Variants in RASGRF2 observed in about 807,000 individuals in gnomAD.
The protein encoded by RASGRF2 is Ras protein specific guanine nucleotide releasing factor 2.
A neutral mutation model predicts 151.0 loss-of-function variants in RASGRF2; 76 were observed. The ratio of observed to expected loss-of-function variants is 0.50; its 90% confidence interval spans 0.42 to 0.61. The LOEUF (loss-of-function observed/expected upper bound fraction) is 0.61. RASGRF2 is among the 20% of genes least tolerant of loss of function. The pLI is 0.00. For synonymous variants in RASGRF2, 504 were observed against 566.5 expected (o/e 0.89, Z 1.57); for missense variants, 1,148 against 1,564.6 (o/e 0.73, Z 4.49).
At chr5:81,165,585 T>G (rs966404742) in intron 17 of RASGRF2, among the ~76,000 whole-genome samples, 1 of 152,206 alleles carries the variant, frequency 6.6e-6, no homozygotes, top group African/African-American at 2.4e-5. Context: ...AAAGAATTCT[T>G]TGGGAATATT....
intron 1 of RASGRF2, among the ~76,000 whole-genome samples, chr5:80,985,227 A>T (rs1423524161): frequency 6.6e-6 from 1 of 152,164 alleles, no homozygotes; most frequent in Non-Finnish European, 1.5e-5. Context: ...CAATAACAAC[A>T]ACAAAAACAA....
At chr5:81,217,591 T>C (rs1755770570) in intron 25 of RASGRF2, 118 bp downstream of exon 25, 3 of 930,084 alleles carry the variant, frequency 3.2e-6, no homozygotes. Flanking sequence ...TTTTTTTTTT[T>C]TTTTTTGAGA....
chr5:80,972,964 A>T (rs1336043203), intron 1 of RASGRF2, among the ~76,000 whole-genome samples: 1 of 152,200 alleles, frequency 6.6e-6, no homozygotes, highest in East Asian at 1.9e-4. Flanking sequence ...TTTGTCAGTT[A>T]TATGTATTGC....
intron 11 of RASGRF2, 125 bp from the exon 12 acceptor site, chr5:81,094,731 T>TA (rs138397541): frequency 0.011 from 11,690 of 1,049,684 alleles, 351 homozygotes; most frequent in African/African-American, 0.096. Flanking sequence ...AGAAGTACGA[T>TA]ATTGCTGAAA....
chr5:81,143,728 A>G (rs1344985716), intron 17 of RASGRF2, among the ~76,000 whole-genome samples: 1 of 151,974 alleles, frequency 6.6e-6, no homozygotes, highest in Non-Finnish European at 1.5e-5. Flanking sequence ...CATCTCTACT[A>G]AAAATACAAA....
chr5:81,211,811 C>G (rs1406772716), intron 22 of RASGRF2, among the ~76,000 whole-genome samples: 2 of 152,180 alleles, frequency 1.3e-5, no homozygotes, highest in African/African-American at 4.8e-5. Flanking sequence ...GTCCTTTTAA[C>G]TGCTGGTGAA....
intron 17 of RASGRF2, among the ~76,000 whole-genome samples, chr5:81,161,903 C>G (rs577857216): frequency 1.7e-3 from 252 of 149,522 alleles, no homozygotes; most frequent in African/African-American, 6.3e-3. Context: ...TTTTGCCAGT[C>G]AGACCGTTTT....
chr5:81,200,287 A>AAG (rs1755358291), intron 18 of RASGRF2, among the ~76,000 whole-genome samples: 38 of 152,012 alleles, frequency 2.5e-4, no homozygotes, highest in Non-Finnish European at 3.5e-4. Context: ...AAAAAAAAAA[A>AAG]AAGAAGAAGA....
chr5:81,187,449 T>A (rs1010208205), intron 18 of RASGRF2, among the ~76,000 whole-genome samples: 1 of 152,202 alleles, frequency 6.6e-6, no homozygotes. Context: ...GCCTCATTCC[T>A]CTGAAACAAG....
intron 2 of RASGRF2, among the ~76,000 whole-genome samples, chr5:81,057,085 A>G (rs1175555696): frequency 6.6e-6 from 1 of 152,062 alleles, no homozygotes; most frequent in African/African-American, 2.4e-5. Flanking sequence ...ACTCTATCCA[A>G]TTTGCCAGTC....
intron 9 of RASGRF2, among the ~76,000 whole-genome samples, chr5:81,091,300 C>G (rs80322375): frequency 0.022 from 3,404 of 152,282 alleles, 140 homozygotes; most frequent in African/African-American, 0.077. Flanking sequence ...CTCCAGTACT[C>G]TATGTCATTC....
intron 17 of RASGRF2, among the ~76,000 whole-genome samples, chr5:81,170,753 C>T (rs1226499342): frequency 6.6e-6 from 1 of 152,152 alleles, no homozygotes; most frequent in African/African-American, 2.4e-5. Context: ...TATTTATTTG[C>T]TTATAGATAA....
intron 1 of RASGRF2, among the ~76,000 whole-genome samples, chr5:80,994,282 C>T (rs191977718): frequency 7.4e-5 from 11 of 148,664 alleles, no homozygotes; most frequent in African/African-American, 2.2e-4. Flanking sequence ...AGGAGAATGG[C>T]GTGAACCTGG....
rs928888800 is a variant in RASGRF2, at chr5:81,056,913, G to A, written c.396-11119G>A. Among the ~76,000 whole-genome samples the A allele has an allele frequency of 1.5e-4, 23 of 152,070 alleles. No individual in the cohort carries two copies. In the East Asian group the frequency reaches 1.9e-3, roughly 13 times the overall value. On this transcript the variant is annotated intron_variant, in intron 2 of 26. Coordinates refer to ENST00000265080, the MANE Select transcript of RASGRF2 (RefSeq NM_006909.3). ...TTCTTTGTCTCTTTTGATCTTTGTT[G>A]GTTTAAAGTCTGTTTTATCAGAGAC... is the stretch of plus-strand genomic sequence containing the variant.
At chr5:81,017,086 G>T (rs375036431) in intron 1 of RASGRF2, among the ~76,000 whole-genome samples, 47 of 152,234 alleles carry the variant, frequency 3.1e-4, no homozygotes, top group African/African-American at 1.1e-3. Context: ...TCTGAGGCAA[G>T]AAGGGCAAAA....
intron 1 of RASGRF2, among the ~76,000 whole-genome samples, chr5:80,986,765 C>A (rs2052482): frequency 6.6e-6 from 1 of 151,984 alleles, no homozygotes; most frequent in Non-Finnish European, 1.5e-5. Flanking sequence ...TCAGTTGAAC[C>A]GCTAGGTGAC....
At chr5:81,153,936 C>CAAAA (rs556291739) in intron 17 of RASGRF2, among the ~76,000 whole-genome samples, 60 of 125,548 alleles carry the variant, frequency 4.8e-4, no homozygotes, top group Middle Eastern at 4.2e-3. Flanking sequence ...ACTGTAAGAC[C>CAAAA]AAAAAAAAAA....
intron 17 of RASGRF2, among the ~76,000 whole-genome samples, chr5:81,132,872 A>T (rs958784100): frequency 2.6e-5 from 4 of 152,230 alleles, no homozygotes; most frequent in African/African-American, 9.6e-5. Context: ...ATATAAAATT[A>T]TAAATATAAA....
At chr5:81,004,913 G>T (rs1749214941) in intron 1 of RASGRF2, among the ~76,000 whole-genome samples, 1 of 152,144 alleles carries the variant, frequency 6.6e-6, no homozygotes, top group South Asian at 2.1e-4. Flanking sequence ...AGTACACGTT[G>T]ATATTAGCAT....
Sources: allele counts gnomAD v4.1 joint callset (sites outside exome capture counted in the v4.1 genomes callset), GRCh38; gene constraint gnomAD v4.1.1; transcripts MANE v1.5; gene names NCBI Gene and HGNC (gene_info 2026-07-23, HGNC 2026-07-21).